Variants in ELOA2 observed in about 807,000 individuals in gnomAD.
ELOA2 encodes the protein elongin A2, also known as elongin-A2.
For missense variants in ELOA2, 1,271 were observed against 979.7 expected (o/e 1.30, Z -3.97); for synonymous variants, 497 against 398.8 (o/e 1.25, Z -2.94).
In ELOA2 at chr18:47,034,379, C is replaced by T. The variant is rs1569054024; in HGVS notation, c.886G>A (p.Ala296Thr). ...GQAGSGQRVP[A>T]LEEAPDSHQK... ...TGACTGTCTGGAGCCTCCTCCAAGGCAGGGACACGCTGGCCGCTGCCAGCT... is the reference window on the plus strand; with the variant it reads ...TGACTGTCTGGAGCCTCCTCCAAGGTAGGGACACGCTGGCCGCTGCCAGCT... The change falls in exon 1 of 1, where the codon GCC becomes ACC. Residue 296 changes from alanine to threonine, a missense_variant. Ala to Thr is a moderately conservative substitution (Grantham distance 58, BLOSUM62 0). Transcript: ENST00000332567. 3.7e-6 allele frequency: 6 copies of T among 1,613,964 alleles called. No individual in the cohort carries two copies. Among genetic ancestry groups the T allele is most frequent in the Non-Finnish European group, 5.1e-6 (6 of 1,180,026 alleles).
chr18:47,033,059 C>A lies in ELOA2; in HGVS notation c.2206G>T (p.Ala736Ser). 6.2e-7 allele frequency: 1 copy of A among 1,614,138 alleles called. No individual in the cohort carries two copies. Among genetic ancestry groups the A allele is most frequent in the Non-Finnish European group, 8.5e-7 (1 of 1,180,044 alleles). ...KTRKQAAKKV[A>S]PLMAKAIRDY... is the part of the protein sequence containing the mutation. ...CGAATTGCCTTGGCCATCAGCGGGGCCACTTTCTTGGCAGCCTGTTTCCGG... is the reference window on the plus strand; with the variant it reads ...CGAATTGCCTTGGCCATCAGCGGGGACACTTTCTTGGCAGCCTGTTTCCGG... Residue 736 changes from alanine (A) to serine (S), a missense_variant, in exon 1 of 1, where the codon GCC becomes TCC. Transcript: ENST00000332567.
chr18:47,033,720 G>A lies in ELOA2; in HGVS notation c.1545C>T (p.Tyr515=). Residue 515 remains tyrosine (Y), a synonymous_variant, in exon 1 of 1, where the codon TAC becomes TAT. Transcript: ENST00000332567. The part of the protein sequence containing the change: ...GRRVNAKMPV[Y]SGSRPACQLQ... ...GCTGGCAGGCAGGCCTGGAGCCCGAGTACACCGGCATCTTAGCATTCACTC... is the reference window on the plus strand; with the variant it reads ...GCTGGCAGGCAGGCCTGGAGCCCGAATACACCGGCATCTTAGCATTCACTC... 1 of 1,614,198 alleles carries A rather than the reference G, an allele frequency of 6.2e-7. No individual in the cohort carries two copies. Among genetic ancestry groups the A allele is most frequent in the Non-Finnish European group, 8.5e-7 (1 of 1,180,036 alleles).
Position 47,033,614 on chromosome 18 carries a change from G to C in ELOA2, c.1651C>G (p.Pro551Ala), listed in dbSNP as rs933040612. 1.9e-6 allele frequency: 3 copies of C among 1,614,052 alleles called. No homozygotes were observed. Among genetic ancestry groups the C allele is most frequent in the Admixed American group, 3.3e-5 (2 of 60,002 alleles). ...PDALSDVGEVPYWVLEPVLEG... is the reference protein window; with the variant it reads ...PDALSDVGEVAYWVLEPVLEG... ...AGAACAGGTTCAAGAACCCAGTAGG[G>C]GACCTCTCCCACGTCGCTGAGGGCG... is the stretch of plus-strand genomic sequence containing the variant. The change falls in exon 1 of 1, where the codon CCC becomes GCC. Residue 551 changes from proline (P) to alanine (A), a missense_variant. Coordinates refer to ENST00000332567, the MANE Select transcript of ELOA2 (RefSeq NM_016427.3).
Position 47,034,730 on chromosome 18 carries a change from G to C in ELOA2, c.535C>G (p.Arg179Gly), listed in dbSNP as rs773602485. 6.2e-7 allele frequency: 1 copy of C among 1,613,004 alleles called. No homozygotes were observed. The change falls in exon 1 of 1, where the codon CGG becomes GGG. Residue 179 changes from arginine to glycine, a missense_variant. By Grantham distance (125) the Arg-to-Gly change is moderately radical. Transcript: ENST00000332567. The stretch of plus-strand genomic sequence containing the variant: ...GCGGGCTCAGGGCCCTCGGGCATCC[G>C]GAGGGGAGCTGTGCGCGTTGGAGAG... ...RASPTRTAPL[R>G]MPEGPEPAAP...
rs2060547087 is a variant in ELOA2, at chr18:47,032,955, C to T, written c.*48G>A. On this transcript the variant is annotated 3_prime_UTR_variant, in exon 1 of 1. Coordinates refer to ENST00000332567, the MANE Select transcript of ELOA2 (RefSeq NM_016427.3). ...CGTTCCCCAACCCGCATTGACTTTG[C>T]CAATGCAAAAATCCCCCCAGATTTT... The T allele has an allele frequency of 3.7e-6, 6 of 1,613,066 alleles. No individual in the cohort carries two copies. The highest frequency in any genetic ancestry group is 4.2e-6 in the Non-Finnish European group (5 of 1,179,874).
At position 47,034,117 on chromosome 18, in the gene ELOA2, C is replaced by G. The variant is rs778239640; in HGVS notation, c.1148G>C (p.Cys383Ser). 12 of 1,614,242 alleles carry G rather than the reference C, an allele frequency of 7.4e-6. No homozygotes were observed. The highest frequency in any genetic ancestry group is 1.1e-5 in the South Asian group (1 of 91,086). The change falls in exon 1 of 1, where the codon TGT becomes TCT. Residue 383 changes from cysteine to serine, a missense_variant. By Grantham distance (112) the Cys-to-Ser change is moderately radical (BLOSUM62 -1). Coordinates refer to ENST00000332567, the MANE Select transcript of ELOA2 (RefSeq NM_016427.3). ...CTGATCGTAGGTGAGGTATTTTTCACATGACAGAGTGGGCTGCTCGAATTC... is the reference window on the plus strand; with the variant it reads ...CTGATCGTAGGTGAGGTATTTTTCAGATGACAGAGTGGGCTGCTCGAATTC... ...AEEFEQPTLS[C>S]EKYLTYDQLR...
At chr18:47,033,994 C>T in the ELOA2 span, 4 of 1,613,840 alleles carry the variant, frequency 2.5e-6, no homozygotes, top group Non-Finnish European at 2.5e-6. Flanking sequence ...AGCCGAATCC[C>T]AGGACTCACG....
chr18:47,033,931 C>A lies in ELOA2; in HGVS notation c.1334G>T (p.Gly445Val). 2 of 1,612,866 alleles carry A rather than the reference C, an allele frequency of 1.2e-6. No homozygotes were observed. Among genetic ancestry groups the A allele is most frequent in the East Asian group, 4.5e-5 (2 of 44,868 alleles). ...ESQSERLQAA[G>V]ADSAGPKTVP... ...CGTTTTCGGCCCGGCGGAATCAGCGCCGGCCGCCTGCAGCCTCTCTGACTG... is the reference window on the plus strand; with the variant it reads ...CGTTTTCGGCCCGGCGGAATCAGCGACGGCCGCCTGCAGCCTCTCTGACTG... The change falls in exon 1 of 1, where the codon GGC (glycine) becomes GTC (valine). Residue 445 changes from glycine (G) to valine (V), a missense_variant. Physicochemically the swap from Gly to Val is moderately radical, Grantham distance 109. Coordinates refer to ENST00000332567, the MANE Select transcript of ELOA2 (RefSeq NM_016427.3).
In ELOA2 at chr18:47,032,949, A is replaced by G. The variant is rs934389534; in HGVS notation, c.*54T>C. ...AAGTTTCGTTCCCCAACCCGCATTG[A>G]CTTTGCCAATGCAAAAATCCCCCCA... On this transcript the variant is annotated 3_prime_UTR_variant, in exon 1 of 1. Coordinates refer to ENST00000332567, the MANE Select transcript of ELOA2 (RefSeq NM_016427.3). 4.3e-6 allele frequency: 7 copies of G among 1,612,906 alleles called. No homozygotes were observed. The Admixed American group carries it at 1.0e-4, about 23-fold the overall frequency.
At position 47,034,840 on chromosome 18, in the gene ELOA2, G is replaced by T. The variant is rs775888689; in HGVS notation, c.425C>A (p.Pro142His). The T allele has an allele frequency of 5.7e-5, 92 of 1,612,046 alleles. 1 individual carries two copies. Among genetic ancestry groups the T allele is most frequent in the Admixed American group, 1.3e-4 (8 of 60,006 alleles). Residue 142 changes from proline (P) to histidine (H), a missense_variant, in exon 1 of 1, where the codon CCT becomes CAT. By Grantham distance (77) the Pro-to-His change is moderately conservative. Coordinates refer to ENST00000332567, the MANE Select transcript of ELOA2 (RefSeq NM_016427.3). ...ARRTPPGQQR[P>H]HPRSHSREPR... is the part of the protein sequence containing the mutation. The stretch of plus-strand genomic sequence containing the variant: ...CTCGCGACTGTGAGACCTCGGGTGA[G>T]GTCTCTGTTGCCCCGGAGGTGTTCT...
rs774047592 is a variant in ELOA2 at position 47,033,214 on chromosome 18, G to T, written c.2051C>A (p.Thr684Asn). 2 of 1,614,036 alleles carry T rather than the reference G, an allele frequency of 1.2e-6. No individual in the cohort carries two copies. The highest frequency in any genetic ancestry group is 8.5e-7 in the Non-Finnish European group (1 of 1,180,028). Reference protein sequence around the residue: ...PASKPAGSSHTPSSQSSSGGG... With the variant: ...PASKPAGSSHNPSSQSSSGGG... ...GCCGCTGCTGCTCTGGCTGGAGGGAGTGTGGCTGCTTCCCGCGGGCTTGGA... is the reference window on the plus strand; with the variant it reads ...GCCGCTGCTGCTCTGGCTGGAGGGATTGTGGCTGCTTCCCGCGGGCTTGGA... The change falls in exon 1 of 1, where the codon ACT becomes AAT. Residue 684 changes from threonine to asparagine, a missense_variant. Transcript: ENST00000332567.
Position 47,035,488 on chromosome 18 carries a change from TC to T in ELOA2, c.-225del. The stretch of plus-strand genomic sequence containing the variant: ...AGCTGAGCAGGCCCGCTTTTGTTCC[TC>T]GGGATGTGGAGCCACAGCCTGGAGT... On this transcript the variant is annotated 5_prime_UTR_variant, in exon 1 of 1. An upstream open reading frame in the 5' UTR loses its in-frame stop. Coordinates refer to ENST00000332567, the MANE Select transcript of ELOA2 (RefSeq NM_016427.3). 2 of 930,598 alleles carry T rather than the reference TC, an allele frequency of 2.1e-6. No individual in the cohort carries two copies. Among genetic ancestry groups the T allele is most frequent in the Non-Finnish European group, 3.2e-6 (2 of 625,302 alleles). 57.6% of individuals were successfully genotyped at this position (930,598 alleles called of 1,614,324 possible).
rs751282738 is a variant in ELOA2 at position 47,033,161 on chromosome 18, G to T, written c.2104C>A (p.Leu702Ile). The T allele has an allele frequency of 1.9e-6, 3 of 1,614,098 alleles. No homozygotes were observed. Among genetic ancestry groups the T allele is most frequent in the African/African-American group, 1.3e-5 (1 of 75,016 alleles). The change falls in exon 1 of 1, where the codon CTT becomes ATT. Residue 702 changes from leucine to isoleucine, a missense_variant. Coordinates refer to ENST00000332567, the MANE Select transcript of ELOA2 (RefSeq NM_016427.3). ...GCCCGCTTCTCAGGGAGCCAGCGAA[G>T]GATGCTGCTGCTGCTGTCTCTGCCA... is the stretch of plus-strand genomic sequence containing the variant. ...GGGRDSSSSILRWLPEKRANP... is the reference protein window; with the variant it reads ...GGGRDSSSSIIRWLPEKRANP...
Position 47,034,329 on chromosome 18 carries a change from G to T in ELOA2, c.936C>A (p.His312Gln). The T allele has an allele frequency of 1.9e-6, 3 of 1,612,746 alleles. No homozygotes were observed. The highest frequency in any genetic ancestry group is 2.5e-6 in the Non-Finnish European group (3 of 1,178,878). ...CTAGACTGGGCCTCTTCTTGTTCGA[G>T]TGACTGTGCTGAGGCCTCTTCTGGT... ...DSHQKRPQHSHSNKKRPSLDG... is the reference protein window; with the variant it reads ...DSHQKRPQHSQSNKKRPSLDG... The change falls in exon 1 of 1, where the codon CAC becomes CAA. Residue 312 changes from histidine (H) to glutamine (Q), a missense_variant. Coordinates refer to ENST00000332567, the MANE Select transcript of ELOA2 (RefSeq NM_016427.3).
rs2060543708 is a variant in ELOA2, at chr18:47,032,913, G to A, written c.*90C>T. The A allele has an allele frequency of 2.5e-6, 4 of 1,606,400 alleles. No individual in the cohort carries two copies. The highest frequency in any genetic ancestry group is 3.4e-6 in the Non-Finnish European group (4 of 1,175,998). ...ACTTTGCACCAAGTTAAAGGTTCTGGTGTCCATTGGAAGTTTCGTTCCCCA... is the reference window on the plus strand; with the variant it reads ...ACTTTGCACCAAGTTAAAGGTTCTGATGTCCATTGGAAGTTTCGTTCCCCA... On this transcript the variant is annotated 3_prime_UTR_variant, in exon 1 of 1. Transcript: ENST00000332567.
rs1569058049 is a variant in ELOA2 at position 47,035,378 on chromosome 18, C to T, written c.-114G>A. The T allele has an allele frequency of 3.1e-5, 48 of 1,550,362 alleles. No homozygotes were observed. The highest frequency in any genetic ancestry group is 4.1e-5 in the Non-Finnish European group (47 of 1,148,578). On this transcript the variant is annotated 5_prime_UTR_variant, in exon 1 of 1. Coordinates refer to ENST00000332567, the MANE Select transcript of ELOA2 (RefSeq NM_016427.3). ...TCGCTGCCCGGTCGCCAGGCAGCGA[C>T]CTCGGGATGTGGAGTCACAGCCTGG...
rs749997713 is a variant in ELOA2 at position 47,033,575 on chromosome 18, G to A, written c.1690C>T (p.Pro564Ser). ...VLEPVLEGWR[P>S]DQLYRRKKDN... ...TTCTTTCTGCGATACAGCTGATCGGGCCTCCACCCTTCCAGAACAGGTTCA... is the reference window on the plus strand; with the variant it reads ...TTCTTTCTGCGATACAGCTGATCGGACCTCCACCCTTCCAGAACAGGTTCA... Residue 564 changes from proline to serine, a missense_variant, in exon 1 of 1, where the codon CCC becomes TCC. By Grantham distance (74) the Pro-to-Ser change is moderately conservative. Transcript: ENST00000332567. The A allele has an allele frequency of 3.7e-6, 6 of 1,614,176 alleles. No individual in the cohort carries two copies. The highest frequency in any genetic ancestry group is 2.2e-5 in the South Asian group (2 of 91,074).
Position 47,034,301 on chromosome 18 carries a change from C to G in ELOA2, c.964G>C (p.Gly322Arg). Residue 322 changes from glycine (G) to arginine (R), a missense_variant, in exon 1 of 1, where the codon GGC becomes CGC. Transcript: ENST00000332567. ...HSNKKRPSLD[G>R]RDPGNGTHGL... is the part of the protein sequence containing the mutation. ...TGTGTCCCATTTCCTGGGTCCCGGC[C>G]GTCTAGACTGGGCCTCTTCTTGTTC... 6.2e-7 allele frequency: 1 copy of G among 1,613,272 alleles called. No homozygotes were observed. The highest frequency in any genetic ancestry group is 8.5e-7 in the Non-Finnish European group (1 of 1,179,256).
In ELOA2 at chr18:47,035,317, G is replaced by C. The variant is rs1370760367; in HGVS notation, c.-53C>G. ...TCCCGGCGGTCGCAGCTCTGTCTTTGGGGCTGCGGGACAGGAAGTCTGGGG... is the reference window on the plus strand; with the variant it reads ...TCCCGGCGGTCGCAGCTCTGTCTTTCGGGCTGCGGGACAGGAAGTCTGGGG... On this transcript the variant is annotated 5_prime_UTR_variant, in exon 1 of 1. Transcript: ENST00000332567. 1.9e-6 allele frequency: 3 copies of C among 1,609,742 alleles called. No individual in the cohort carries two copies. The highest frequency in any genetic ancestry group is 2.2e-4 in the Middle Eastern group (1 of 4,534).
Sources: allele counts gnomAD v4.1 joint callset, GRCh38; gene constraint gnomAD v4.1.1; transcripts MANE v1.5; gene names NCBI Gene and HGNC (gene_info 2026-07-23, HGNC 2026-07-21).